Variants in NRF1 observed in about 807,000 individuals in gnomAD.
NRF1 encodes the protein nuclear respiratory factor 1.
In NRF1, 5 loss-of-function variants were observed where a neutral mutation model predicts 58.5. The observed-to-expected ratio is 0.09, with a 90% CI of 0.04 to 0.18. The LOEUF (loss-of-function observed/expected upper bound fraction) is 0.18. Ranked by LOEUF, NRF1 falls within the 10% of genes least tolerant of loss-of-function variation. NRF1 has a pLI of 1.00. For synonymous variants in NRF1, 224 were observed against 246.7 expected, an observed-to-expected ratio of 0.91 and a Z score of 0.86; for missense variants, 288 against 657.7, an observed-to-expected ratio of 0.44 and a Z score of 6.15.
intron 4 of NRF1, among the ~76,000 whole-genome samples, chr7:129,682,797 G>C (rs541215624): frequency 6.6e-6 from 1 of 151,998 alleles, no homozygotes; most frequent in African/African-American, 2.4e-5. Context: ...GTGAGACAAT[G>C]GCCCAAAAAA....
intron 5 of NRF1, among the ~76,000 whole-genome samples, chr7:129,699,730 CAAAAAAAAAG>C (rs979342794): frequency 2.8e-5 from 4 of 141,416 alleles, no homozygotes; most frequent in Admixed American, 1.4e-4. Flanking sequence ...GACTCCATCT[CAAAAAAAAAG>C]AAAAAAAAAG....
In NRF1 at chr7:129,655,828, C is replaced by T. The variant is rs570295714; in HGVS notation, c.-6-1518C>T. On this transcript the variant is annotated intron_variant, in intron 1 of 10. Transcript: ENST00000393232. ...TGAGCCACCTCGGCCAGCCTTCTTC[C>T]TAATCTTAATGGGAAAGCTTCTAGT... Among the ~76,000 whole-genome samples the T allele has an allele frequency of 2.2e-4, 33 of 152,270 alleles. No homozygotes were observed. The East Asian group carries it at 3.7e-3, about 17-fold the overall frequency.
At chr7:129,692,965 CTG>C (rs1802605760) in intron 5 of NRF1, among the ~76,000 whole-genome samples, 1 of 152,212 alleles carries the variant, frequency 6.6e-6, no homozygotes, top group South Asian at 2.1e-4. Flanking sequence ...AATACATCCT[CTG>C]TGTTCTTGTC....
intron 10 of NRF1, among the ~76,000 whole-genome samples, chr7:129,751,985 G>A (rs1004517424): frequency 2.0e-5 from 3 of 152,328 alleles, no homozygotes; most frequent in Non-Finnish European, 2.9e-5. Flanking sequence ...CCAGCTGCAC[G>A]TTGGTTGAGG....
At chr7:129,695,945 G>A (rs556431185) in intron 5 of NRF1, among the ~76,000 whole-genome samples, 11 of 151,022 alleles carry the variant, frequency 7.3e-5, no homozygotes, top group South Asian at 2.1e-4. Context: ...AAGTTAGGCC[G>A]GGCGCAGTGG....
chr7:129,704,173 A>G (rs1168277572), intron 5 of NRF1, among the ~76,000 whole-genome samples: 1 of 151,988 alleles, frequency 6.6e-6, no homozygotes, highest in Non-Finnish European at 1.5e-5. Flanking sequence ...CTTTCTGTAC[A>G]TTGTGGGTGG....
At chr7:129,722,729 A>G (rs903485623) in intron 9 of NRF1, among the ~76,000 whole-genome samples, 2 of 152,202 alleles carry the variant, frequency 1.3e-5, no homozygotes, top group African/African-American at 2.4e-5. Flanking sequence ...GGAAATGAGT[A>G]TGATCAGTTG....
At chr7:129,638,400 G>A (rs1194366780) in intron 1 of NRF1, among the ~76,000 whole-genome samples, 1 of 152,172 alleles carries the variant, frequency 6.6e-6, no homozygotes, top group Admixed American at 6.5e-5. Context: ...AGTGAGCTTA[G>A]TTCTAAGAGA....
intron 2 of NRF1, among the ~76,000 whole-genome samples, chr7:129,669,684 A>G (rs1396762347): frequency 6.6e-6 from 1 of 152,252 alleles, no homozygotes; most frequent in Non-Finnish European, 1.5e-5. Flanking sequence ...TATCAAAAAT[A>G]TAAACTAGTG....
intron 1 of NRF1, among the ~76,000 whole-genome samples, chr7:129,635,685 C>A (rs2151064463): frequency 6.6e-6 from 1 of 152,236 alleles, no homozygotes; most frequent in South Asian, 2.1e-4. Context: ...TTCTTTCTGC[C>A]TGCTCGTTTA....
chr7:129,711,166 A>G (rs934208246), intron 7 of NRF1, among the ~76,000 whole-genome samples: 4 of 152,216 alleles, frequency 2.6e-5, no homozygotes, highest in East Asian at 1.9e-4. Context: ...GTAAAACACA[A>G]TTTGTTGATT....
intron 4 of NRF1, among the ~76,000 whole-genome samples, chr7:129,678,043 TGC>T (rs1802223947): frequency 6.6e-6 from 1 of 152,138 alleles, no homozygotes; most frequent in Admixed American, 6.5e-5. Flanking sequence ...AGGAAACCAA[TGC>T]AGGATTTTCT....
chr7:129,676,970 T>A (rs1337910666), intron 3 of NRF1, among the ~76,000 whole-genome samples: 1 of 150,894 alleles, frequency 6.6e-6, no homozygotes, highest in Non-Finnish European at 1.5e-5. Flanking sequence ...AGCATGGAGA[T>A]GATATAATAA....
chr7:129,657,176 T>A (rs1801674954), intron 1 of NRF1, among the ~76,000 whole-genome samples, 170 bp from the exon 2 acceptor site: 1 of 152,240 alleles, frequency 6.6e-6, no homozygotes, highest in African/African-American at 2.4e-5. Flanking sequence ...CATTTTTATG[T>A]CACATTTGCA....
At chr7:129,691,543 T>C (rs1379690894) in intron 5 of NRF1, among the ~76,000 whole-genome samples, 1 of 151,348 alleles carries the variant, frequency 6.6e-6, no homozygotes, top group East Asian at 2.0e-4. Context: ...TTAGTAGAGA[T>C]GGGGTTTTGC....
In NRF1 at chr7:129,709,098, A is replaced by G; in HGVS notation, c.630A>G (p.Pro210=). Residue 210 remains proline, a synonymous_variant, in exon 6 of 11, where the codon CCA becomes CCG. Coordinates refer to ENST00000393232, the MANE Select transcript of NRF1 (RefSeq NM_005011.5). ...AGGCCCAGCTTCGGGCATTTATCCC[A>G]GAGATGCTCAAGTACTCTACAGGTC... ...MTQAQLRAFI[P]EMLKYSTGRG... is the part of the protein sequence containing the mutation. The G allele has an allele frequency of 6.4e-7, 1 of 1,573,346 alleles. No individual in the cohort carries two copies.
intron 3 of NRF1, among the ~76,000 whole-genome samples, chr7:129,675,303 C>T (rs191775167): frequency 4.4e-4 from 67 of 152,254 alleles, no homozygotes; most frequent in Admixed American, 1.3e-3. Flanking sequence ...TAAAATCATC[C>T]GTAAGGCTTG....
chr7:129,633,855 T>C (rs1387015667), intron 1 of NRF1: 1 of 151,442 alleles, frequency 6.6e-6, no homozygotes, highest in Non-Finnish European at 1.5e-5. Context: ...ATATAAACTA[T>C]ATGTGTAACA....
intron 10 of NRF1, among the ~76,000 whole-genome samples, chr7:129,739,894 T>A: frequency 6.6e-6 from 1 of 152,184 alleles, no homozygotes. Flanking sequence ...ATTGCATGAA[T>A]TCCAGATTTC....
Sources: gnomAD v4.1 joint callset for allele counts (sites outside exome capture counted in the v4.1 genomes callset) on GRCh38, gnomAD v4.1.1 for gene constraint, MANE v1.5 for transcripts, NCBI Gene and HGNC (gene_info 2026-07-23, HGNC 2026-07-21) for gene names.